Variants in ZFP82 observed in about 807,000 individuals in gnomAD.
The protein encoded by ZFP82 is ZFP82 zinc finger protein.
ZFP82 carries 30 observed loss-of-function variants against 54.0 expected under a neutral mutation model. The ratio of observed to expected loss-of-function variants is 0.56; its 90% CI spans 0.42 to 0.75. The LOEUF is 0.75. ZFP82 is among the 30% of genes least tolerant of loss of function. The probability of loss-of-function intolerance (pLI) is 0.00; values close to 1 mark genes in which losing one functional copy is unlikely to be tolerated. For synonymous variants in ZFP82, 194 were observed against 209.5 expected (o/e 0.93, Z 0.64); for missense variants, 500 against 636.8 (o/e 0.79, Z 2.31).
chr19:36,392,634 T>C lies in ZFP82; in HGVS notation c.*107A>G. ...ACTACAATACATTGTCACACTCTTT[T>C]AATGGTATAAAACCTCTAATGCCAA... On this transcript the variant is annotated 3_prime_UTR_variant, in exon 5 of 5. Coordinates refer to ENST00000392161, the MANE Select transcript of ZFP82 (RefSeq NM_133466.4). 1.1e-6 allele frequency: 1 copy of C among 951,236 alleles called. No individual in the cohort carries two copies. Among genetic ancestry groups the C allele is most frequent in the Non-Finnish European group, 1.5e-6 (1 of 666,258 alleles). 58.9% of individuals were successfully genotyped at this position (951,236 alleles called of 1,614,324 possible).
intron 4 of ZFP82, among the ~76,000 whole-genome samples, chr19:36,396,336 G>A (rs1269199618): frequency 1.3e-5 from 2 of 152,094 alleles, no homozygotes; most frequent in African/African-American, 4.8e-5. Flanking sequence ...GGGCAACATG[G>A]CAAGACCTCA....
Position 36,392,371 on chromosome 19 carries a change from T to C in ZFP82, c.*370A>G, listed in dbSNP as rs569242589. On this transcript the variant is annotated 3_prime_UTR_variant, in exon 5 of 5. Transcript: ENST00000392161. ...CGAAGCAGTCACAGAGGGATGTAGATTCCTGTATACAACAGAGGGATGTAG... is the reference window on the plus strand; with the variant it reads ...CGAAGCAGTCACAGAGGGATGTAGACTCCTGTATACAACAGAGGGATGTAG... The C allele has an allele frequency of 1.2e-3, 142 of 123,380 alleles. 1 individual carries two copies. Among genetic ancestry groups the C allele is most frequent in the African/African-American group, 3.4e-3 (132 of 38,786 alleles). The allele number at this position is 123,380 out of a possible 1,614,324, so 7.6% of individuals were successfully genotyped here.
At chr19:36,384,958 A>G (rs2032099523), downstream of ZFP82, among the ~76,000 whole-genome samples, 1 of 152,174 alleles carries the variant, frequency 6.6e-6, no homozygotes, top group Non-Finnish European at 1.5e-5. Flanking sequence ...CATTACAGAG[A>G]TTTGGTTAAA....
intron 4 of ZFP82, among the ~76,000 whole-genome samples, chr19:36,396,534 T>C (rs1189028141): frequency 1.3e-5 from 2 of 151,990 alleles, no homozygotes; most frequent in East Asian, 1.9e-4. Context: ...CAGGCACCTG[T>C]AGTCCCAGCT....
intron 2 of ZFP82, 93 bp from the exon 3 acceptor site, chr19:36,408,106 G>C (rs943262405): frequency 9.2e-6 from 13 of 1,407,922 alleles, no homozygotes; most frequent in African/African-American, 1.4e-5. Flanking sequence ...GCAGGAAGTG[G>C]ATCATATGGC....
At chr19:36,414,603 CT>C in intron 1 of ZFP82, among the ~76,000 whole-genome samples, 1 of 151,982 alleles carries the variant, frequency 6.6e-6, no homozygotes, top group South Asian at 2.1e-4. Flanking sequence ...ACCTCGTGAT[CT>C]GCCTGCCTCG....
Position 36,393,223 on chromosome 19 carries a change from T to G in ZFP82, c.1117A>C (p.Lys373Gln), listed in dbSNP as rs1357128759. ...EKPYECKECG[K>Q]TFSRGYHLIL... ...AGATGATAACCACGGCTAAAGGTCTTTCCACATTCCTTACATTCATAGGGT... is the reference window on the plus strand; with the variant it reads ...AGATGATAACCACGGCTAAAGGTCTGTCCACATTCCTTACATTCATAGGGT... Residue 373 changes from lysine to glutamine, a missense_variant, in exon 5 of 5, where the codon AAG becomes CAG. Transcript: ENST00000392161. The G allele has an allele frequency of 1.9e-6, 3 of 1,614,052 alleles. No homozygotes were observed. Among genetic ancestry groups the G allele is most frequent in the Non-Finnish European group, 2.5e-6 (3 of 1,180,012 alleles).
intron 4 of ZFP82, among the ~76,000 whole-genome samples, chr19:36,400,445 G>A (rs1307901322): frequency 6.6e-6 from 1 of 152,136 alleles, no homozygotes; most frequent in Non-Finnish European, 1.5e-5. Flanking sequence ...CTGTACTTCG[G>A]AGAATCAATT....
Position 36,407,968 on chromosome 19 carries a change from C to G in ZFP82, c.55G>C (p.Glu19Gln). ...TGTTCCAAGTCCAGGTATTCCCACTCTTCTGGAGAGAAGTCTATGGATACA... is the reference window on the plus strand; with the variant it reads ...TGTTCCAAGTCCAGGTATTCCCACTGTTCTGGAGAGAAGTCTATGGATACA... ...SDVSIDFSPE[E>Q]WEYLDLEQKD... Residue 19 changes from glutamate to glutamine, a missense_variant, in exon 3 of 5, where the codon GAG (glutamate) becomes CAG (glutamine). Glu to Gln is a conservative substitution (Grantham distance 29). Transcript: ENST00000392161. The G allele has an allele frequency of 6.2e-7, 1 of 1,614,096 alleles. No homozygotes were observed.
chr19:36,389,997 G>A lies in ZFP82; in HGVS notation c.*2744C>T, dbSNP rs2032167623. 6.6e-6 allele frequency among the ~76,000 whole-genome samples: 1 copy of A among 152,018 alleles called. No homozygotes were observed. Among genetic ancestry groups the A allele is most frequent in the Non-Finnish European group, 1.5e-5 (1 of 68,018 alleles). ...AATTACTCAAACTATTCAATCCTAA[G>A]CTTACCAGTGTGCCTACCCCTGCCT... is the stretch of plus-strand genomic sequence containing the variant. On this transcript the variant is annotated 3_prime_UTR_variant, in exon 5 of 5. Coordinates refer to ENST00000392161, the MANE Select transcript of ZFP82 (RefSeq NM_133466.4).
chr19:36,388,981 C>G lies in ZFP82; in HGVS notation c.*3760G>C, dbSNP rs921284118. ...TGGTTGGTGATTTCCCCCAAGTTAT[C>G]TGTAGGCAACATGTGATCATTCATC... On this transcript the variant is annotated 3_prime_UTR_variant, in exon 5 of 5. Transcript: ENST00000392161. Among the ~76,000 whole-genome samples the G allele has an allele frequency of 2.6e-5, 4 of 151,774 alleles. No homozygotes were observed. The highest frequency in any genetic ancestry group is 5.9e-5 in the Non-Finnish European group (4 of 67,996).
chr19:36,404,395 C>T (rs891721654), intron 4 of ZFP82, among the ~76,000 whole-genome samples: 5 of 152,230 alleles, frequency 3.3e-5, no homozygotes, highest in African/African-American at 4.8e-5. Flanking sequence ...CATCAGAACA[C>T]TCCCCCACCA....
At chr19:36,397,195 C>T (rs973337186) in intron 4 of ZFP82, among the ~76,000 whole-genome samples, 2 of 150,906 alleles carry the variant, frequency 1.3e-5, no homozygotes, top group African/African-American at 4.9e-5. Flanking sequence ...CGGGTTCAAG[C>T]AATCCTCCTG....
At chr19:36,416,997 A>ACGGAGAGGTATAAGAATCGCTTGAACCT (rs1287359602) in intron 1 of ZFP82, among the ~76,000 whole-genome samples, 1 of 142,904 alleles carries the variant, frequency 7.0e-6, no homozygotes, top group Non-Finnish European at 1.5e-5. Flanking sequence ...CGCTTGAACC[A>ACGGAGAGGTATAAGAATCGCTTGAACCT]CGGAAAGGGA....
chr19:36,408,791 T>C (rs1286524641), intron 2 of ZFP82, among the ~76,000 whole-genome samples: 1 of 151,946 alleles, frequency 6.6e-6, no homozygotes, highest in African/African-American at 2.4e-5. Context: ...CACTCCAGCC[T>C]AGCCAACAAG....
rs922935917 is a variant in ZFP82 at position 36,408,153 on chromosome 19, C to T, written c.10-140G>A. On this transcript the variant is annotated intron_variant, in intron 2 of 4. Coordinates refer to ENST00000392161, the MANE Select transcript of ZFP82 (RefSeq NM_133466.4). ...CTTGGGCTGGAAGCCTGCAACACAG[C>T]GAGTCAGGAAATGAGTGTGCCTGAA... 1.8e-5 allele frequency: 16 copies of T among 900,594 alleles called. No homozygotes were observed. In the East Asian group the frequency reaches 3.0e-4, roughly 17 times the overall value. 55.8% of individuals were successfully genotyped at this position (900,594 alleles called of 1,614,324 possible).
At chr19:36,412,511 T>C (rs890834543) in intron 1 of ZFP82, among the ~76,000 whole-genome samples, 2 of 152,232 alleles carry the variant, frequency 1.3e-5, no homozygotes, top group Non-Finnish European at 2.9e-5. Context: ...GATTTCTAAG[T>C]GTGTTCATGT....
chr19:36,402,389 A>C (rs561297968), intron 4 of ZFP82, among the ~76,000 whole-genome samples: 19 of 144,984 alleles, frequency 1.3e-4, no homozygotes, highest in Non-Finnish European at 4.5e-5. Context: ...GAACGGCGTG[A>C]ACCCAGGAAG....
chr19:36,408,042 GA>G (rs758109403), intron 2 of ZFP82, 29 bp from the exon 3 acceptor site: 2 of 1,604,858 alleles, frequency 1.2e-6, no homozygotes, highest in South Asian at 2.2e-5. Context: ...CATTATAAAT[GA>G]AATGGAAGAA....
Sources: allele counts gnomAD v4.1 joint callset (sites outside exome capture counted in the v4.1 genomes callset), GRCh38; gene constraint gnomAD v4.1.1; transcripts MANE v1.5; gene names NCBI Gene and HGNC (gene_info 2026-07-23, HGNC 2026-07-21).